The following KIF6 variants were observed in gnomAD, a reference collection of about 807,000 sequenced individuals.
KIF6 encodes kinesin family member 6.
KIF6 carries 106 observed loss-of-function variants against 112.7 expected under a neutral mutation model. The observed-to-expected ratio is 0.94, with a 90% confidence interval of 0.80 to 1.11. The LOEUF (loss-of-function observed/expected upper bound fraction) is 1.11. KIF6 is among the 50% of genes least tolerant of loss of function. The pLI, the probability that KIF6 is intolerant of heterozygous loss-of-function variation, is 0.00. For synonymous variants in KIF6, 339 were observed against 339.9 expected (o/e 1.00, Z 0.03); for missense variants, 929 against 964.0 (o/e 0.96, Z 0.48).
chr6:39,349,743 A>G (rs1478472660), intron 19 of KIF6, among the ~76,000 whole-genome samples: 4 of 145,190 alleles, frequency 2.8e-5, no homozygotes, highest in African/African-American at 1.0e-4. Context: ...CCTGGGTTCA[A>G]GCGATTCTTC....
chr6:39,664,804 C>T (rs563847001), intron 3 of KIF6, among the ~76,000 whole-genome samples: 10 of 151,980 alleles, frequency 6.6e-5, no homozygotes, highest in South Asian at 4.2e-4. Context: ...TCCTTAATAC[C>T]GTAATGCCAA....
Position 39,631,705 on chromosome 6 carries a change from GTTTTTT to G in KIF6, c.509+3138_509+3143del, listed in dbSNP as rs370778695. Among the ~76,000 whole-genome samples, 418 of 143,826 alleles carry G rather than the reference GTTTTTT, an allele frequency of 2.9e-3. 3 individuals are homozygous for G. Among genetic ancestry groups the G allele is most frequent in the African/African-American group, 1.0e-2 (384 of 38,592 alleles). The allele number at this position is 143,826 out of a possible 152,430, so 94.4% of individuals were successfully genotyped here. ...TGTTCATGAGAGATATCAGTCTGTA[GTTTTTT>G]TTTTTGTTTTTTTGTTTTTTTTGTA... On this transcript the variant is annotated intron_variant, in intron 5 of 22. Coordinates refer to ENST00000287152, the MANE Select transcript of KIF6 (RefSeq NM_145027.6).
intron 13 of KIF6, among the ~76,000 whole-genome samples, chr6:39,476,411 A>G (rs906675869): frequency 1.3e-5 from 2 of 152,054 alleles, no homozygotes; most frequent in Non-Finnish European, 2.9e-5. Context: ...CAGACAATCA[A>G]GCATGCTTTG....
chr6:39,666,638 G>C (rs1786476363), intron 3 of KIF6, among the ~76,000 whole-genome samples: 1 of 152,166 alleles, frequency 6.6e-6, no homozygotes, highest in Non-Finnish European at 1.5e-5. Flanking sequence ...AGTGTCTTTG[G>C]TCCAGAAAGT....
intron 15 of KIF6, among the ~76,000 whole-genome samples, chr6:39,415,939 T>G (rs371843667): frequency 2.6e-5 from 4 of 152,348 alleles, no homozygotes; most frequent in South Asian, 4.1e-4. Context: ...TTCTCTTTCT[T>G]TGCCTCTCAC....
intron 8 of KIF6, 60 bp from the exon 9 acceptor site, chr6:39,585,044 T>A: frequency 1.0e-6 from 1 of 974,466 alleles, no homozygotes; most frequent in Non-Finnish European, 1.6e-6. Context: ...TCTTTCTAGA[T>A]AAAACTTATC....
chr6:39,631,905 T>C (rs1487816652), intron 5 of KIF6, among the ~76,000 whole-genome samples: 1 of 152,128 alleles, frequency 6.6e-6, no homozygotes, highest in Admixed American at 6.6e-5. Flanking sequence ...AGATTTCACT[T>C]TGTGAAACTT....
At chr6:39,622,788 C>A (rs1368840362) in intron 5 of KIF6, among the ~76,000 whole-genome samples, 1 of 152,192 alleles carries the variant, frequency 6.6e-6, no homozygotes, top group Non-Finnish European at 1.5e-5. Flanking sequence ...TGTTTCCTTC[C>A]AGAAATGTGC....
chr6:39,718,750 A>G (rs934799362), intron 2 of KIF6, among the ~76,000 whole-genome samples: 23 of 151,810 alleles, frequency 1.5e-4, no homozygotes, highest in Admixed American at 1.2e-3. Flanking sequence ...AAAAAAAAAA[A>G]AAAGAAAGAA....
chr6:39,658,565 AT>A (rs1382058832), intron 3 of KIF6, among the ~76,000 whole-genome samples: 1 of 152,152 alleles, frequency 6.6e-6, no homozygotes, highest in Admixed American at 6.5e-5. Flanking sequence ...TTATATATAA[AT>A]TTTTGAAGGA....
chr6:39,557,052 CATATGCACATATAT>C (rs1779742457), intron 10 of KIF6, among the ~76,000 whole-genome samples: 1 of 151,874 alleles, frequency 6.6e-6, no homozygotes, highest in Non-Finnish European at 1.5e-5. Flanking sequence ...AACCTACATA[CATATGCACATATAT>C]ATGTGCACAT....
intron 3 of KIF6, among the ~76,000 whole-genome samples, chr6:39,640,654 CT>C (rs1287545078): frequency 1.3e-5 from 2 of 152,072 alleles, no homozygotes; most frequent in Non-Finnish European, 2.9e-5. Flanking sequence ...CCTATTAGTT[CT>C]GTCAACATCC....
At chr6:39,344,140 C>T (rs900434538) in intron 21 of KIF6, among the ~76,000 whole-genome samples, 5 of 152,118 alleles carry the variant, frequency 3.3e-5, no homozygotes, top group African/African-American at 7.2e-5. Flanking sequence ...ATCATGGGGA[C>T]GGTTTCCTCC....
chr6:39,346,085 T>TCTCTCTCTCTCTCTCTCC lies in KIF6; in HGVS notation c.2232-297_2232-296insGGAGAGAGAGAGAGAGAG, dbSNP rs1212794740. ...CTCTCTCTCTCTCTCTCTCTCTCTC[T>TCTCTCTCTCTCTCTCTCC]CCCCCCCCTCTCCCTCCCCCCCTCC... On this transcript the variant is annotated intron_variant, in intron 20 of 22. Coordinates refer to ENST00000287152, the MANE Select transcript of KIF6 (RefSeq NM_145027.6). 2.3e-4 allele frequency among the ~76,000 whole-genome samples: 5 copies of TCTCTCTCTCTCTCTCTCC among 21,598 alleles called. 1 individual carries two copies. The highest frequency in any genetic ancestry group is 3.2e-4 in the Non-Finnish European group (4 of 12,472). 14.2% of individuals were successfully genotyped at this position (21,598 alleles called of 152,430 possible).
chr6:39,618,396 C>CTATT (rs902610615), intron 5 of KIF6, among the ~76,000 whole-genome samples: 5 of 152,174 alleles, frequency 3.3e-5, no homozygotes, highest in Admixed American at 3.3e-4. Context: ...AATGGACCCC[C>CTATT]TATTGGCCAC....
intron 13 of KIF6, among the ~76,000 whole-genome samples, chr6:39,529,083 G>A (rs533145760): frequency 1.4e-4 from 21 of 152,314 alleles, no homozygotes; most frequent in African/African-American, 4.8e-4. Context: ...TCTTCAATAA[G>A]TGGTGTTGGG....
intron 13 of KIF6, among the ~76,000 whole-genome samples, chr6:39,477,370 T>C (rs1428494144): frequency 1.3e-5 from 2 of 152,190 alleles, no homozygotes; most frequent in African/African-American, 4.8e-5. Flanking sequence ...GAAATTTATT[T>C]TGTAGACATA....
At chr6:39,491,644 G>A (rs1183574751) in intron 13 of KIF6, among the ~76,000 whole-genome samples, 2 of 152,188 alleles carry the variant, frequency 1.3e-5, no homozygotes, top group African/African-American at 4.8e-5. Flanking sequence ...AGCCAGAAGG[G>A]ACTTGTAGAG....
At chr6:39,460,521 T>G (rs1375307207) in intron 13 of KIF6, among the ~76,000 whole-genome samples, 3 of 26,784 alleles carry the variant, frequency 1.1e-4, no homozygotes, top group South Asian at 9.1e-4. Context: ...ACTTAAAGTA[T>G]AATAAAAAAA....
Sources: allele counts gnomAD v4.1 joint callset (sites outside exome capture counted in the v4.1 genomes callset), GRCh38; gene constraint gnomAD v4.1.1; transcripts MANE v1.5; gene names NCBI Gene and HGNC (gene_info 2026-07-23, HGNC 2026-07-21).